The following STOX1 variants were observed in gnomAD, a reference collection of about 807,000 sequenced individuals.
STOX1 encodes the protein storkhead box 1, also known as storkhead-box protein 1.
A neutral mutation model predicts 74.8 loss-of-function variants in STOX1; 57 were observed. That is an observed-to-expected ratio of 0.76 (90% confidence interval 0.62 to 0.95). The LOEUF (loss-of-function observed/expected upper bound fraction) is 0.95, where lower values mean the gene tolerates loss of function less well. Among genes scored for constraint, STOX1 ranks in the 40% least tolerant of loss-of-function variants. The probability of loss-of-function intolerance (pLI) is 0.00; values close to 1 mark genes in which losing one functional copy is unlikely to be tolerated. For synonymous variants in STOX1, 375 were observed against 401.3 expected (o/e 0.93, Z 0.78); for missense variants, 1,010 against 1,117.0 (o/e 0.90, Z 1.37).
rs115345912 is a variant in STOX1, at chr10:68,876,730, C to T, written c.311-5228C>T. ...AGTCTCTCCTTAGCCTTCTGAGCCCCGCTAAGCTCAAGGGTCAAAAGTCCA... is the reference window on the plus strand; with the variant it reads ...AGTCTCTCCTTAGCCTTCTGAGCCCTGCTAAGCTCAAGGGTCAAAAGTCCA... On this transcript the variant is annotated intron_variant, in intron 1 of 3. Coordinates refer to ENST00000298596, the MANE Select transcript of STOX1 (RefSeq NM_152709.5). Among the ~76,000 whole-genome samples the T allele has an allele frequency of 6.9e-3, 1,051 of 152,228 alleles. 20 individuals carry two copies. Among genetic ancestry groups the T allele is most frequent in the African/African-American group, 0.024 (1,015 of 41,534 alleles).
At chr10:68,872,414 C>T (rs112087704) in intron 1 of STOX1, among the ~76,000 whole-genome samples, 8 of 144,022 alleles carry the variant, frequency 5.6e-5, no homozygotes, top group African/African-American at 1.6e-4. Context: ...GGCACAGTCT[C>T]GGCTCACCGC....
intron 1 of STOX1, among the ~76,000 whole-genome samples, chr10:68,846,152 ATTATT>A (rs886990003): frequency 4.1e-5 from 6 of 144,864 alleles, no homozygotes; most frequent in Admixed American, 6.9e-5. Context: ...TATTATTATT[ATTATT>A]ATTATTTGAG....
At chr10:68,881,254 A>G (rs951250782) in intron 1 of STOX1, among the ~76,000 whole-genome samples, 1 of 152,192 alleles carries the variant, frequency 6.6e-6, no homozygotes, top group Non-Finnish European at 1.5e-5. Flanking sequence ...AGGAAAGACA[A>G]TATAGTCTAG....
At chr10:68,872,226 A>T (rs1206163330) in intron 1 of STOX1, among the ~76,000 whole-genome samples, 1 of 152,156 alleles carries the variant, frequency 6.6e-6, no homozygotes, top group African/African-American at 2.4e-5. Context: ...CAGACTTCCT[A>T]GCTCTGAGTC....
chr10:68,842,622 C>A (rs1839722365), intron 1 of STOX1, among the ~76,000 whole-genome samples: 1 of 150,318 alleles, frequency 6.7e-6, no homozygotes, highest in Non-Finnish European at 1.5e-5. Flanking sequence ...TTCACTGCAA[C>A]CTCCGCCTCC....
At position 68,841,475 on chromosome 10, in the gene STOX1, C is replaced by A. The variant is rs367949223; in HGVS notation, c.310+13542C>A. On this transcript the variant is annotated intron_variant, in intron 1 of 3. Transcript: ENST00000298596. ...TAAATCTACAAATAATATGGATAGA[C>A]ATATCTGCCTCCATTTTTACATAAA... 1.4e-4 allele frequency among the ~76,000 whole-genome samples: 21 copies of A among 152,224 alleles called. 1 individual carries two copies. The East Asian group carries it at 1.9e-3, about 14-fold the overall frequency.
At chr10:68,848,558 C>G (rs182062754) in intron 1 of STOX1, among the ~76,000 whole-genome samples, 2 of 152,332 alleles carry the variant, frequency 1.3e-5, no homozygotes, top group Admixed American at 1.3e-4. Context: ...GATGATAATA[C>G]TACCAATTTC....
intron 3 of STOX1, among the ~76,000 whole-genome samples, chr10:68,891,844 G>A (rs1323942718): frequency 6.6e-6 from 1 of 151,436 alleles, no homozygotes; most frequent in African/African-American, 2.4e-5. Flanking sequence ...GTGTGTGACA[G>A]AGTCTCACTC....
Position 68,885,402 on chromosome 10 carries a change from T to A in STOX1, c.1606T>A (p.Ser536Thr). Reference protein sequence around the residue: ...PKEKPFQKPRSLDSSRIFDGK... With the variant: ...PKEKPFQKPRTLDSSRIFDGK... Reference sequence around the variant, plus strand: ...GGAAAAGCCTTTCCAAAAGCCTAGGTCCTTGGATTCCTCAAGAATCTTTGA... The same window carrying A: ...GGAAAAGCCTTTCCAAAAGCCTAGGACCTTGGATTCCTCAAGAATCTTTGA... Residue 536 changes from serine to threonine, a missense_variant, in exon 3 of 4, where the codon TCC becomes ACC. Transcript: ENST00000298596. 1 of 1,614,044 alleles carries A rather than the reference T, an allele frequency of 6.2e-7. No individual in the cohort carries two copies. The highest frequency in any genetic ancestry group is 1.1e-5 in the South Asian group (1 of 91,074).
At chr10:68,865,258 A>G (rs911429812) in intron 1 of STOX1, among the ~76,000 whole-genome samples, 2 of 152,258 alleles carry the variant, frequency 1.3e-5, no homozygotes, top group Non-Finnish European at 2.9e-5. Context: ...AGCAGGCTGC[A>G]GGTTGTTTAC....
At chr10:68,864,776 T>G (rs947735389) in intron 1 of STOX1, among the ~76,000 whole-genome samples, 2 of 152,234 alleles carry the variant, frequency 1.3e-5, no homozygotes, top group African/African-American at 2.4e-5. Context: ...TGCCTCAGCT[T>G]CTTTTGCTAA....
chr10:68,842,372 T>G (rs1435417386), intron 1 of STOX1, among the ~76,000 whole-genome samples: 3 of 152,164 alleles, frequency 2.0e-5, no homozygotes, highest in African/African-American at 7.2e-5. Flanking sequence ...AGCTGGCTTT[T>G]AATAGATGAG....
intron 3 of STOX1, among the ~76,000 whole-genome samples, chr10:68,887,344 G>C (rs574467143): frequency 6.6e-6 from 1 of 152,122 alleles, no homozygotes; most frequent in Non-Finnish European, 1.5e-5. Context: ...GTGCAATGGC[G>C]TGATCTCGGC....
chr10:68,884,930 T>C lies in STOX1; in HGVS notation c.1134T>C (p.Thr378=), dbSNP rs769289083. Residue 378 remains threonine, a synonymous_variant, in exon 3 of 4, where the codon ACT becomes ACC. Coordinates refer to ENST00000298596, the MANE Select transcript of STOX1 (RefSeq NM_152709.5). ...ILTVDNLIKH[T]VLMQKYEEQK... is the part of the protein sequence containing the mutation. ...CTGTTGACAATTTAATCAAACACAC[T>C]GTCCTAATGCAAAAATACGAAGAAC... 5 of 1,614,100 alleles carry C rather than the reference T, an allele frequency of 3.1e-6. No homozygotes were observed. In the Admixed American group the frequency reaches 6.7e-5, roughly 22 times the overall value.
Position 68,827,641 on chromosome 10 carries a change from G to A in STOX1, c.18G>A (p.Gln6=). The A allele has an allele frequency of 1.7e-6, 2 of 1,145,828 alleles. No individual in the cohort carries two copies. Among genetic ancestry groups the A allele is most frequent in the East Asian group, 4.3e-5 (1 of 23,044 alleles). The allele number at this position is 1,145,828 out of a possible 1,614,324, so 71.0% of individuals were successfully genotyped here. ...GCGAAAGCATGGCCCGGCCCGTGCA[G>A]CTGGCGCCGGGCTCGCTGGCGCTAG... MARPV[Q]LAPGSLALVL... The change falls in exon 1 of 4, where the codon CAG becomes CAA. Residue 6 remains glutamine (Q), a synonymous_variant. Transcript: ENST00000298596.
rs550672495 is a variant in STOX1, at chr10:68,840,718, G to A, written c.310+12785G>A. On this transcript the variant is annotated intron_variant, in intron 1 of 3. Transcript: ENST00000298596. The stretch of plus-strand genomic sequence containing the variant: ...TGGGATTACAGGCATGAGCCACCAC[G>A]CCTGGCTAATTTTTTGTATTTCTAG... Among the ~76,000 whole-genome samples the A allele has an allele frequency of 5.9e-5, 9 of 151,866 alleles. No individual in the cohort carries two copies. The South Asian group carries it at 1.0e-3, about 18-fold the overall frequency.
At chr10:68,837,046 C>A (rs559308467) in intron 1 of STOX1, among the ~76,000 whole-genome samples, 3 of 152,184 alleles carry the variant, frequency 2.0e-5, no homozygotes, top group Non-Finnish European at 4.4e-5. Context: ...ATGCATTGAG[C>A]ATTTACCCTC....
intron 1 of STOX1, among the ~76,000 whole-genome samples, chr10:68,853,595 T>G (rs149295955): frequency 6.6e-6 from 1 of 152,130 alleles, no homozygotes; most frequent in Non-Finnish European, 1.5e-5. Context: ...ATGGCAGGGC[T>G]TTTCAGGCTG....
intron 2 of STOX1, 146 bp downstream of exon 2, chr10:68,882,256 C>A: frequency 1.3e-6 from 1 of 755,984 alleles, no homozygotes; most frequent in Non-Finnish European, 2.2e-6. Flanking sequence ...AGAAGAAGTC[C>A]TGCATCAACA....
Sources: allele counts gnomAD v4.1 joint callset (sites outside exome capture counted in the v4.1 genomes callset), GRCh38; gene constraint gnomAD v4.1.1; transcripts MANE v1.5; gene names NCBI Gene and HGNC (gene_info 2026-07-23, HGNC 2026-07-21).